Variants in OBI1 observed in about 807,000 individuals in gnomAD.
OBI1 encodes ring finger protein 219.
Under a neutral mutation model 62.4 loss-of-function variants are expected in OBI1, and 59 were observed. The ratio of observed to expected loss-of-function variants is 0.95; its 90% CI spans 0.77 to 1.17. OBI1 has a LOEUF of 1.17. Among genes scored for constraint, OBI1 ranks in the 50% most tolerant of loss-of-function variants. The probability of loss-of-function intolerance (pLI) is 0.00; values close to 1 mark genes in which losing one functional copy is unlikely to be tolerated. For synonymous variants in OBI1, 302 were observed against 292.8 expected (o/e 1.03, Z -0.32); for missense variants, 875 against 830.9 (o/e 1.05, Z -0.65).
rs116798072 is a variant in OBI1, at chr13:78,618,075, G to A, written c.639-953C>T. On this transcript the variant is annotated intron_variant, in intron 5 of 5. Transcript: ENST00000282003. ...TAAAAAAGACTGTCTAGCTCCAAGG[G>A]ACATAAAATATCTACCTTAAATTCA... Among the ~76,000 whole-genome samples, 997 of 152,066 alleles carry A rather than the reference G, an allele frequency of 6.6e-3. 8 individuals are homozygous for A. Among genetic ancestry groups the A allele is most frequent in the African/African-American group, 0.023 (957 of 41,480 alleles).
intron 1 of OBI1, among the ~76,000 whole-genome samples, chr13:78,651,920 C>T (rs1876556690): frequency 6.6e-6 from 1 of 152,158 alleles, no homozygotes; most frequent in Non-Finnish European, 1.5e-5. Context: ...CCTAAAAGTG[C>T]TTCAAGCAGC....
chr13:78,635,127 A>G lies in OBI1; in HGVS notation c.621T>C (p.Asp207=), dbSNP rs1875982213. ...RENLRLKAEV[D]NRSPQKFGRF... ...ATACATACTTTTGAGGTGATCTGTT[A>G]TCAACTTCAGCCTTCAGTCGTAAAT... Residue 207 remains aspartate, a synonymous_variant, in exon 5 of 6, where the codon GAT becomes GAC. Coordinates refer to ENST00000282003, the MANE Select transcript of OBI1 (RefSeq NM_024546.4). 1.2e-6 allele frequency: 2 copies of G among 1,607,606 alleles called. No homozygotes were observed. The highest frequency in any genetic ancestry group is 1.7e-6 in the Non-Finnish European group (2 of 1,175,388).
chr13:78,634,232 T>A (rs1250894752), intron 5 of OBI1, among the ~76,000 whole-genome samples: 1 of 152,022 alleles, frequency 6.6e-6, no homozygotes, highest in Non-Finnish European at 1.5e-5. Flanking sequence ...CAGATAGGCT[T>A]TTTTTTAGTG....
chr13:78,616,330 G>A lies in OBI1; in HGVS notation c.1431C>T (p.Asn477=). ...WDCCSTSYAQ[N]LDFESSEGNT... is the part of the protein sequence containing the mutation. ...TCCCCTCTGAACTTTCAAAATCTAA[G>A]TTTTGGGCATAGCTTGTGGAACAAC... Residue 477 remains asparagine, a synonymous_variant, in exon 6 of 6, where the codon AAC becomes AAT. Transcript: ENST00000282003. The A allele has an allele frequency of 6.2e-7, 1 of 1,614,090 alleles. No homozygotes were observed. The highest frequency in any genetic ancestry group is 8.5e-7 in the Non-Finnish European group (1 of 1,179,958).
chr13:78,640,233 A>G (rs1181696486), intron 3 of OBI1, among the ~76,000 whole-genome samples: 1 of 151,728 alleles, frequency 6.6e-6, no homozygotes, highest in African/African-American at 2.4e-5. Flanking sequence ...TCATCCCCAC[A>G]TCTACAGGGG....
At chr13:78,632,494 T>C (rs1028144404) in intron 5 of OBI1, among the ~76,000 whole-genome samples, 16 of 152,166 alleles carry the variant, frequency 1.1e-4, no homozygotes, top group African/African-American at 7.2e-5. Flanking sequence ...GTAGGATACA[T>C]TGGAGACTAA....
intron 4 of OBI1, among the ~76,000 whole-genome samples, chr13:78,637,097 A>C (rs987062072): frequency 1.3e-5 from 2 of 152,250 alleles, no homozygotes; most frequent in African/African-American, 4.8e-5. Context: ...CTCAACACTG[A>C]TTGGGTAATG....
intron 3 of OBI1, 91 bp from the exon 4 acceptor site, chr13:78,639,162 G>T: frequency 7.5e-7 from 1 of 1,335,626 alleles, no homozygotes; most frequent in East Asian, 2.4e-5. Context: ...TTTGAATTTT[G>T]TACTTAAAAT....
chr13:78,634,351 G>A (rs550280941), intron 5 of OBI1, among the ~76,000 whole-genome samples: 4 of 151,682 alleles, frequency 2.6e-5, no homozygotes, highest in East Asian at 2.1e-4. Context: ...CTGGAGTGCA[G>A]TGGCATGATC....
At chr13:78,628,627 G>A (rs1030884188) in intron 5 of OBI1, among the ~76,000 whole-genome samples, 1 of 152,228 alleles carries the variant, frequency 6.6e-6, no homozygotes, top group Non-Finnish European at 1.5e-5. Flanking sequence ...CCAGTGAAGA[G>A]TCTGGATTTT....
chr13:78,622,193 C>T (rs1875533450), intron 5 of OBI1, among the ~76,000 whole-genome samples: 1 of 152,020 alleles, frequency 6.6e-6, no homozygotes, highest in Non-Finnish European at 1.5e-5. Context: ...CCTGTAATTC[C>T]AATGCTTTGG....
At chr13:78,652,244 T>C (rs1456193068) in intron 1 of OBI1, among the ~76,000 whole-genome samples, 1 of 152,206 alleles carries the variant, frequency 6.6e-6, no homozygotes, top group Non-Finnish European at 1.5e-5. Context: ...TAGAAATTTC[T>C]AAAGAACTAC....
intron 1 of OBI1, among the ~76,000 whole-genome samples, chr13:78,645,785 G>A (rs1391627944): frequency 6.6e-6 from 1 of 152,110 alleles, no homozygotes. Context: ...CGAGTAGCTG[G>A]GACTACAGGC....
intron 1 of OBI1, among the ~76,000 whole-genome samples, chr13:78,651,949 G>A (rs1876557958): frequency 6.6e-6 from 1 of 152,144 alleles, no homozygotes; most frequent in Non-Finnish European, 1.5e-5. Context: ...AACAGCCACT[G>A]TCAAACTGTA....
At chr13:78,652,614 T>C (rs1198075308) in intron 1 of OBI1, among the ~76,000 whole-genome samples, 1 of 152,162 alleles carries the variant, frequency 6.6e-6, no homozygotes, top group Non-Finnish European at 1.5e-5. Flanking sequence ...CACTAGGGAC[T>C]GGTTTCGTGG....
rs184991036 is a variant in OBI1, at chr13:78,616,337, G to A, written c.1424C>T (p.Ala475Val). 14 of 1,614,010 alleles carry A rather than the reference G, an allele frequency of 8.7e-6. No homozygotes were observed. In the Admixed American group the frequency reaches 2.2e-4, roughly 25 times the overall value. The change falls in exon 6 of 6, where the codon GCC (alanine) becomes GTC (valine). Residue 475 changes from alanine to valine, a missense_variant. By Grantham distance (64) the Ala-to-Val change is moderately conservative. Coordinates refer to ENST00000282003, the MANE Select transcript of OBI1 (RefSeq NM_024546.4). ...TGAACTTTCAAAATCTAAGTTTTGG[G>A]CATAGCTTGTGGAACAACAGTCCCA... ...GFWDCCSTSY[A>V]QNLDFESSEG...
rs182848827 is a variant in OBI1, at chr13:78,644,953, C to T, written c.117G>A (p.Ser39=). The change falls in exon 2 of 6, where the codon TCG becomes TCA. Residue 39 remains serine, a synonymous_variant. Coordinates refer to ENST00000282003, the MANE Select transcript of OBI1 (RefSeq NM_024546.4). ...TCTTCAACCACAAATCAATACAAAT[C>T]GAACAAAATACATGGTTGTTGATGC... is the stretch of plus-strand genomic sequence containing the variant. ...VICINNHVFC[S]ICIDLWLKNN... The T allele has an allele frequency of 7.4e-6, 12 of 1,613,660 alleles. No individual in the cohort carries two copies. Among genetic ancestry groups the T allele is most frequent in the Middle Eastern group, 1.7e-4 (1 of 6,060 alleles).
chr13:78,623,019 A>G (rs1875558148), intron 5 of OBI1, among the ~76,000 whole-genome samples: 1 of 152,166 alleles, frequency 6.6e-6, no homozygotes, highest in Admixed American at 6.5e-5. Context: ...GAGGGTAGAG[A>G]GGAAACATTC....
intron 4 of OBI1, among the ~76,000 whole-genome samples, chr13:78,636,572 T>C (rs1398652814): frequency 1.3e-5 from 2 of 152,138 alleles, no homozygotes; most frequent in Non-Finnish European, 2.9e-5. Context: ...AGAACATTAT[T>C]TGGGGGCATA....
Sources: gnomAD v4.1 joint callset for allele counts (sites outside exome capture counted in the v4.1 genomes callset) on GRCh38, gnomAD v4.1.1 for gene constraint, MANE v1.5 for transcripts, NCBI Gene and HGNC (gene_info 2026-07-23, HGNC 2026-07-21) for gene names.